UGT2B7: variants seen among roughly 807,000 people sequenced by gnomAD.
The protein encoded by UGT2B7 is UDP glucuronosyltransferase family 2 member B7.
A neutral mutation model predicts 51.9 loss-of-function variants in UGT2B7; 51 were observed. That is an observed-to-expected ratio of 0.98 (90% confidence interval 0.78 to 1.24). The LOEUF (loss-of-function observed/expected upper bound fraction) is 1.24, where lower values mean the gene tolerates loss of function less well. UGT2B7 is among the 50% of genes most tolerant of loss of function. The probability of loss-of-function intolerance (pLI) is 0.00; values close to 1 mark genes in which losing one functional copy is unlikely to be tolerated. For missense variants in UGT2B7, 727 were observed against 628.4 expected (o/e 1.16, Z -1.68); for synonymous variants, 225 against 211.6 (o/e 1.06, Z -0.55).
At chr4:69,061,561 A>G (rs1467428147) in intron 1 of UGT2B7, among the ~76,000 whole-genome samples, 1 of 152,218 alleles carries the variant, frequency 6.6e-6, no homozygotes, top group Non-Finnish European at 1.5e-5. Context: ...AATGGGAATT[A>G]CGTTGAAGGA....
At chr4:69,062,509 C>T (rs1451496561) in intron 1 of UGT2B7, among the ~76,000 whole-genome samples, 1 of 152,124 alleles carries the variant, frequency 6.6e-6, no homozygotes, top group Non-Finnish European at 1.5e-5. Context: ...GGGACGGGCC[C>T]CATATTGTGA....
intron 1 of UGT2B7, among the ~76,000 whole-genome samples, chr4:69,059,502 A>G (rs1318391049): frequency 6.6e-6 from 1 of 152,212 alleles, no homozygotes; most frequent in African/African-American, 2.4e-5. Context: ...AGGCTGAAGA[A>G]TAGAGGCTAT....
intron 1 of UGT2B7, among the ~76,000 whole-genome samples, chr4:69,055,359 G>T (rs1245526068): frequency 7.0e-6 from 1 of 143,480 alleles, no homozygotes; most frequent in Admixed American, 6.9e-5. Context: ...AAAAAAAAAA[G>T]GTCAGCCCCT....
At position 69,098,271 on chromosome 4, in the gene UGT2B7, T is replaced by C. The variant is rs572869992; in HGVS notation, c.722-269T>C. Among the ~76,000 whole-genome samples the C allele has an allele frequency of 5.9e-5, 9 of 152,162 alleles. No individual in the cohort carries two copies. The South Asian group carries it at 1.7e-3, about 28-fold the overall frequency. ...AACTTTCTATGGCTCATTTTAATAATTGTTTATGATTATGAGCATACTGAT... is the reference window on the plus strand; with the variant it reads ...AACTTTCTATGGCTCATTTTAATAACTGTTTATGATTATGAGCATACTGAT... On this transcript the variant is annotated intron_variant, in intron 1 of 5. Coordinates refer to ENST00000305231, the MANE Select transcript of UGT2B7 (RefSeq NM_001074.4).
chr4:69,096,507 T>G lies in UGT2B7; in HGVS notation c.-14T>G, dbSNP rs1247453400. The G allele has an allele frequency of 1.1e-5, 17 of 1,612,578 alleles. No individual in the cohort carries two copies. Among genetic ancestry groups the G allele is most frequent in the Non-Finnish European group, 1.4e-5 (17 of 1,179,520 alleles). On this transcript the variant is annotated 5_prime_UTR_variant, in exon 1 of 6. The change creates a new upstream start codon in the 5' untranslated region. Coordinates refer to ENST00000305231, the MANE Select transcript of UGT2B7 (RefSeq NM_001074.4). ...GGAACAGCAACTGGAAAACAAGCAT[T>G]GCATTGCACCAGGATGTCTGTGAAA...
At chr4:69,070,353 A>G (rs1347801105) in intron 1 of UGT2B7, among the ~76,000 whole-genome samples, 1 of 149,020 alleles carries the variant, frequency 6.7e-6, no homozygotes, top group East Asian at 1.9e-4. Flanking sequence ...GCACATGTGC[A>G]AAATGTGCAC....
At chr4:69,074,091 T>C (rs1283842949) in intron 1 of UGT2B7, among the ~76,000 whole-genome samples, 1 of 152,122 alleles carries the variant, frequency 6.6e-6, no homozygotes, top group Non-Finnish European at 1.5e-5. Context: ...ACATCTGTAG[T>C]CCCAACACTT....
chr4:69,066,355 TGTC>T (rs533968432), intron 1 of UGT2B7: 46 of 152,300 alleles, frequency 3.0e-4, no homozygotes, highest in African/African-American at 1.1e-3. Flanking sequence ...GCCCTCTATG[TGTC>T]CACGTGTTCT....
At chr4:69,077,577 T>TC (rs1295778900) in intron 1 of UGT2B7, among the ~76,000 whole-genome samples, 3 of 136,108 alleles carry the variant, frequency 2.2e-5, no homozygotes, top group Admixed American at 7.1e-5. Flanking sequence ...ATGATTTGGC[T>TC]CTCTTTTTTT....
intron 1 of UGT2B7, among the ~76,000 whole-genome samples, chr4:69,083,919 A>G (rs1230462707): frequency 6.6e-6 from 1 of 152,040 alleles, no homozygotes; most frequent in Non-Finnish European, 1.5e-5. Flanking sequence ...GATATATTGA[A>G]TAAGAGTGGT....
chr4:69,107,953 A>G (rs1719656792), intron 4 of UGT2B7, 150 bp from the exon 5 acceptor site: 1 of 950,690 alleles, frequency 1.1e-6, no homozygotes, highest in South Asian at 1.6e-5. Context: ...CATACCCAGT[A>G]CAAGTACGTG....
chr4:69,112,457 A>G lies in UGT2B7; in HGVS notation c.1311A>G (p.Ser437=). Residue 437 remains serine (S), a splice_region_variant and synonymous_variant, in exon 6 of 6, where the codon TCA becomes TCG. Coordinates refer to ENST00000305231, the MANE Select transcript of UGT2B7 (RefSeq NM_001074.4). ...TACTGTCTTTATTTTTATCTTTCAG[A>G]TATAAAGAGAATGTTATGAAATTAT... is the stretch of plus-strand genomic sequence containing the variant. ...NALKRVINDP[S]YKENVMKLSR... The G allele has an allele frequency of 1.2e-6, 2 of 1,612,884 alleles. No individual in the cohort carries two copies. The highest frequency in any genetic ancestry group is 1.7e-6 in the Non-Finnish European group (2 of 1,179,538).
chr4:69,112,974 A>T lies in UGT2B7; in HGVS notation c.*238A>T. 2.0e-6 allele frequency: 1 copy of T among 494,044 alleles called. No homozygotes were observed. Among genetic ancestry groups the T allele is most frequent in the Non-Finnish European group, 3.2e-6 (1 of 308,968 alleles). The allele number at this position is 494,044 out of a possible 1,614,324, so 30.6% of individuals were successfully genotyped here. The stretch of plus-strand genomic sequence containing the variant: ...GAAAACACTACGGAAAATAAAAAAT[A>T]AGATAAAGCCTTATGAGCTCGTATT... On this transcript the variant is annotated 3_prime_UTR_variant, in exon 6 of 6. Transcript: ENST00000305231.
At chr4:69,056,285 C>G (rs1372332955) in intron 1 of UGT2B7, among the ~76,000 whole-genome samples, 1 of 152,306 alleles carries the variant, frequency 6.6e-6, no homozygotes. Context: ...AGACCCCCAT[C>G]TAAATGCTCA....
chr4:69,112,496 T>G lies in UGT2B7; in HGVS notation c.1350T>G (p.His450Gln), dbSNP rs748489436. ...TTATGAAATTATCAAGAATTCAACA[T>G]GATCAACCAGTGAAGCCCCTGGATC... ...ENVMKLSRIQ[H>Q]DQPVKPLDRA... Residue 450 changes from histidine to glutamine, a missense_variant, in exon 6 of 6, where the codon CAT becomes CAG. Transcript: ENST00000305231. 1 of 1,613,906 alleles carries G rather than the reference T, an allele frequency of 6.2e-7. No homozygotes were observed. Among genetic ancestry groups the G allele is most frequent in the South Asian group, 1.1e-5 (1 of 91,052 alleles).
chr4:69,097,359 C>CA, intron 1 of UGT2B7, 118 bp downstream of exon 1: 3 of 1,187,760 alleles, frequency 2.5e-6, no homozygotes, highest in Non-Finnish European at 3.5e-6. Context: ...ATTTATAAAA[C>CA]AAAAATACAA....
intron 2 of UGT2B7, among the ~76,000 whole-genome samples, chr4:69,098,926 AT>A (rs1342292033): frequency 6.6e-6 from 1 of 151,978 alleles, no homozygotes; most frequent in African/African-American, 2.4e-5. Context: ...GGTTGGTTAA[AT>A]TAAAGTCTTC....
intron 3 of UGT2B7, among the ~76,000 whole-genome samples, chr4:69,106,853 T>C (rs1222555106): frequency 7.0e-6 from 1 of 142,210 alleles, no homozygotes. Context: ...GATGTTAAGC[T>C]TTTTTCTTTT....
intron 1 of UGT2B7, among the ~76,000 whole-genome samples, chr4:69,080,376 C>G (rs1388560339): frequency 6.6e-6 from 1 of 151,762 alleles, no homozygotes; most frequent in African/African-American, 2.4e-5. Context: ...GGTAAAACTC[C>G]GTCCCTGCTA....
Sources: gnomAD v4.1 joint callset for allele counts (sites outside exome capture counted in the v4.1 genomes callset) on GRCh38, gnomAD v4.1.1 for gene constraint, MANE v1.5 for transcripts, NCBI Gene and HGNC (gene_info 2026-07-23, HGNC 2026-07-21) for gene names.